FBXL7: variants seen among roughly 807,000 people sequenced by gnomAD.
The protein encoded by FBXL7 is F-box/LRR-repeat protein 7.
FBXL7 carries 12 observed loss-of-function variants against 38.3 expected under a neutral mutation model. The observed-to-expected ratio is 0.31, with a 90% confidence interval of 0.20 to 0.51. The LOEUF (loss-of-function observed/expected upper bound fraction) is 0.51. Ranked by LOEUF, FBXL7 falls within the 20% of genes least tolerant of loss-of-function variation. The pLI, the probability that FBXL7 is intolerant of heterozygous loss-of-function variation, is 0.98. For missense variants in FBXL7, 567 were observed against 676.4 expected, an observed-to-expected ratio of 0.84 and a Z score of 1.79; for synonymous variants, 297 against 300.9, an observed-to-expected ratio of 0.99 and a Z score of 0.13.
At chr5:15,541,050 ATG>A (rs113578475) in intron 1 of FBXL7, among the ~76,000 whole-genome samples, 10,383 of 149,022 alleles carry the variant, frequency 0.07, 1,048 homozygotes, top group African/African-American at 0.23. Flanking sequence ...ATGTGTCGGA[ATG>A]TGTGTGTGTG....
chr5:15,897,366 C>T (rs1741128851), intron 2 of FBXL7, among the ~76,000 whole-genome samples: 1 of 152,172 alleles, frequency 6.6e-6, no homozygotes, highest in African/African-American at 2.4e-5. Flanking sequence ...AAGTGTGAGG[C>T]ACTTCTGTAG....
intron 2 of FBXL7, among the ~76,000 whole-genome samples, chr5:15,738,318 G>A (rs775039216): frequency 1.3e-5 from 2 of 152,196 alleles, no homozygotes; most frequent in Admixed American, 6.5e-5. Flanking sequence ...GAGCAACACA[G>A]TGCTATCCAA....
chr5:15,691,773 A>G (rs961580118), intron 2 of FBXL7, among the ~76,000 whole-genome samples: 1 of 152,212 alleles, frequency 6.6e-6, no homozygotes, highest in Non-Finnish European at 1.5e-5. Context: ...ACTCAGAGAA[A>G]TCTAAAGATT....
intron 2 of FBXL7, among the ~76,000 whole-genome samples, chr5:15,627,624 TAG>T (rs1740862388): frequency 2.0e-5 from 3 of 152,174 alleles, no homozygotes; most frequent in Admixed American, 1.3e-4. Flanking sequence ...CAGTGACAAA[TAG>T]GCCATTCTGC....
intron 2 of FBXL7, among the ~76,000 whole-genome samples, chr5:15,922,756 A>T (rs1741776290): frequency 6.6e-6 from 1 of 152,208 alleles, no homozygotes; most frequent in South Asian, 2.1e-4. Flanking sequence ...AGGAAAAGTG[A>T]AGGAAGATGT....
At chr5:15,587,631 T>C (rs1001543678) in intron 1 of FBXL7, among the ~76,000 whole-genome samples, 1 of 152,132 alleles carries the variant, frequency 6.6e-6, no homozygotes, top group Non-Finnish European at 1.5e-5. Flanking sequence ...CTTGTCCCCC[T>C]TTTATAGATG....
Position 15,938,939 on chromosome 5 carries a change from C to A in FBXL7, c.*1753C>A. ...TACGTTGAAATCCCTCATTTATTTT[C>A]TTCTCAAAATGCCCATTATCCAAAT... On this transcript the variant is annotated 3_prime_UTR_variant, in exon 4 of 4. Coordinates refer to ENST00000504595, the MANE Select transcript of FBXL7 (RefSeq NM_012304.5). 2 of 398,996 alleles carry A rather than the reference C, an allele frequency of 5.0e-6. No individual in the cohort carries two copies. The highest frequency in any genetic ancestry group is 1.3e-4 in the South Asian group (1 of 7,848). 24.7% of individuals were successfully genotyped at this position (398,996 alleles called of 1,614,324 possible). A position where few individuals can be genotyped will look rare whatever the true frequency, so the allele number is the denominator to read the frequency against.
chr5:15,536,430 C>T (rs1737585263), intron 1 of FBXL7, among the ~76,000 whole-genome samples: 1 of 152,190 alleles, frequency 6.6e-6, no homozygotes, highest in Admixed American at 6.5e-5. Flanking sequence ...CCCTGCAGAG[C>T]GACAGAGGTG....
At chr5:15,843,412 G>A (rs980681311) in intron 2 of FBXL7, among the ~76,000 whole-genome samples, 2 of 152,110 alleles carry the variant, frequency 1.3e-5, no homozygotes, top group African/African-American at 4.8e-5. Context: ...GTTTTTCACT[G>A]CTGTATTCCT....
At chr5:15,866,669 C>T (rs1436843455) in intron 2 of FBXL7, among the ~76,000 whole-genome samples, 1 of 148,080 alleles carries the variant, frequency 6.8e-6, no homozygotes, top group African/African-American at 2.5e-5. Context: ...CCTCACCCCC[C>T]ACCCCCCAAC....
At chr5:15,532,276 A>G (rs925930736) in intron 1 of FBXL7, among the ~76,000 whole-genome samples, 3 of 152,190 alleles carry the variant, frequency 2.0e-5, no homozygotes, top group Non-Finnish European at 2.9e-5. Context: ...TTCCCATTTT[A>G]ATAATATTGC....
At chr5:15,696,921 T>C (rs922843656) in intron 2 of FBXL7, among the ~76,000 whole-genome samples, 1 of 152,176 alleles carries the variant, frequency 6.6e-6, no homozygotes, top group African/African-American at 2.4e-5. Flanking sequence ...CCCTTTCCCT[T>C]AGTGTCTTTG....
At chr5:15,593,866 A>C (rs761872390) in intron 1 of FBXL7, among the ~76,000 whole-genome samples, 2 of 152,174 alleles carry the variant, frequency 1.3e-5, no homozygotes, top group African/African-American at 2.4e-5. Flanking sequence ...GGCACTATCC[A>C]ATGAAATTTA....
intron 2 of FBXL7, among the ~76,000 whole-genome samples, chr5:15,729,635 A>G (rs1735518808): frequency 1.3e-5 from 2 of 152,184 alleles, no homozygotes; most frequent in African/African-American, 4.8e-5. Context: ...CAGTGTTGGC[A>G]TTATAAGTGT....
chr5:15,740,927 A>T (rs549443188), intron 2 of FBXL7, among the ~76,000 whole-genome samples: 2 of 152,200 alleles, frequency 1.3e-5, no homozygotes, highest in South Asian at 2.1e-4. Context: ...ACAATTTTAC[A>T]TATTTATATG....
chr5:15,895,969 C>G (rs896803254), intron 2 of FBXL7, among the ~76,000 whole-genome samples: 1 of 151,468 alleles, frequency 6.6e-6, no homozygotes, highest in African/African-American at 2.4e-5. Context: ...AAACCCAAGG[C>G]CAGCTGTAAA....
intron 2 of FBXL7, among the ~76,000 whole-genome samples, chr5:15,828,181 AC>A (rs1300972329): frequency 6.6e-6 from 1 of 152,202 alleles, no homozygotes; most frequent in Non-Finnish European, 1.5e-5. Context: ...AGAATTAAAA[AC>A]ACATCAAACA....
intron 2 of FBXL7, among the ~76,000 whole-genome samples, chr5:15,620,019 G>A (rs1740575734): frequency 6.6e-6 from 1 of 152,166 alleles, no homozygotes; most frequent in Non-Finnish European, 1.5e-5. Flanking sequence ...CTCAGCTGCA[G>A]GTGGGAATGG....
At chr5:15,548,723 T>A (rs1018119208) in intron 1 of FBXL7, among the ~76,000 whole-genome samples, 1 of 152,114 alleles carries the variant, frequency 6.6e-6, no homozygotes. Flanking sequence ...AAATTTAAAG[T>A]GGAAAGGGTG....
Sources: allele counts gnomAD v4.1 joint callset (sites outside exome capture counted in the v4.1 genomes callset), GRCh38; gene constraint gnomAD v4.1.1; transcripts MANE v1.5; gene names NCBI Gene and HGNC (gene_info 2026-07-23, HGNC 2026-07-21).